Variants in PDSS2 observed in about 807,000 individuals in gnomAD.
The protein encoded by PDSS2 is all trans-polyprenyl-diphosphate synthase PDSS2.
Under a neutral mutation model 44.5 loss-of-function variants are expected in PDSS2, and 31 were observed. The ratio of observed to expected loss-of-function variants is 0.70; its 90% CI spans 0.52 to 0.94. PDSS2 has a LOEUF of 0.94. Ranked by LOEUF, PDSS2 falls within the 40% of genes least tolerant of loss-of-function variation. PDSS2 has a pLI of 0.00. For missense variants in PDSS2, 452 were observed against 482.2 expected, an observed-to-expected ratio of 0.94 and a Z score of 0.59; for synonymous variants, 157 against 180.3, an observed-to-expected ratio of 0.87 and a Z score of 1.03.
intron 7 of PDSS2, among the ~76,000 whole-genome samples, chr6:107,191,661 G>C (rs9486556): frequency 0.051 from 7,740 of 152,194 alleles, 603 homozygotes; most frequent in African/African-American, 0.17. Context: ...ACCCGGGCTG[G>C]AGTGCAGCAG....
chr6:107,293,374 A>C (rs1020738825), intron 2 of PDSS2, among the ~76,000 whole-genome samples: 1 of 152,226 alleles, frequency 6.6e-6, no homozygotes, highest in Admixed American at 6.5e-5. Context: ...ACTGCAGCAC[A>C]GTTTTACATG....
intron 1 of PDSS2, among the ~76,000 whole-genome samples, chr6:107,346,325 T>G (rs2115310942): frequency 6.6e-6 from 1 of 152,316 alleles, no homozygotes; most frequent in East Asian, 1.9e-4. Flanking sequence ...ATCCTCAAGC[T>G]TTCTAAGGTG....
At position 107,210,585 on chromosome 6, in the gene PDSS2, T is replaced by A. The variant is rs199546865; in HGVS notation, c.877-15A>T. On this transcript the variant is annotated splice_polypyrimidine_tract_variant and intron_variant, in intron 5 of 7. Transcript: ENST00000369037. ...TCAGAATTTATCTACAAGAAGCAAT[T>A]AAATGAGTAAATTAGTGAAATGTAT... 8.5e-6 allele frequency: 13 copies of A among 1,530,252 alleles called. No homozygotes were observed. Among genetic ancestry groups the A allele is most frequent in the Non-Finnish European group, 1.1e-5 (12 of 1,104,726 alleles). The allele number at this position is 1,530,252 out of a possible 1,614,324, so 94.8% of individuals were successfully genotyped here.
intron 1 of PDSS2, among the ~76,000 whole-genome samples, chr6:107,414,017 A>T (rs912415873): frequency 1.3e-5 from 2 of 152,258 alleles, no homozygotes; most frequent in South Asian, 2.1e-4. Flanking sequence ...AAACAAAAAG[A>T]AAAGTATTTT....
chr6:107,335,835 G>A (rs1777869146), intron 1 of PDSS2, among the ~76,000 whole-genome samples: 1 of 152,062 alleles, frequency 6.6e-6, no homozygotes, highest in South Asian at 2.1e-4. Flanking sequence ...GCTCTCGAAT[G>A]CAGTAAGAAA....
At chr6:107,191,138 G>T (rs1342428483) in intron 7 of PDSS2, among the ~76,000 whole-genome samples, 1 of 152,056 alleles carries the variant, frequency 6.6e-6, no homozygotes, top group Non-Finnish European at 1.5e-5. Flanking sequence ...TGATCCGCCC[G>T]CCTCCACCTC....
chr6:107,242,906 C>T lies in PDSS2; in HGVS notation c.702+2642G>A, dbSNP rs1226693106. Among the ~76,000 whole-genome samples, 5 of 152,218 alleles carry T rather than the reference C, an allele frequency of 3.3e-5. No homozygotes were observed. In the South Asian group the frequency reaches 6.2e-4, roughly 19 times the overall value. On this transcript the variant is annotated intron_variant, in intron 4 of 7. Coordinates refer to ENST00000369037, the MANE Select transcript of PDSS2 (RefSeq NM_020381.4). ...AGAAATTTAACTGCTTAAAAAAGGG[C>T]TATGAGGAGGTGGCAGGGAAAGAGG...
chr6:107,369,550 C>T (rs1779068583), intron 1 of PDSS2, among the ~76,000 whole-genome samples: 1 of 152,126 alleles, frequency 6.6e-6, no homozygotes, highest in Non-Finnish European at 1.5e-5. Context: ...CTAGAAAAAA[C>T]CATAGGAGCA....
intron 1 of PDSS2, among the ~76,000 whole-genome samples, chr6:107,441,227 T>G (rs1250184396): frequency 1.3e-5 from 2 of 152,176 alleles, no homozygotes; most frequent in African/African-American, 2.4e-5. Flanking sequence ...ACTCCTCTCT[T>G]TGAGGAGGCT....
intron 3 of PDSS2, among the ~76,000 whole-genome samples, chr6:107,257,623 CT>C (rs1045174794): frequency 9.4e-5 from 14 of 149,102 alleles, no homozygotes; most frequent in Non-Finnish European, 1.3e-4. Flanking sequence ...ATACAATTGG[CT>C]TTTTTTTTTC....
At chr6:107,344,743 A>G (rs1407898250) in intron 1 of PDSS2, among the ~76,000 whole-genome samples, 1 of 152,184 alleles carries the variant, frequency 6.6e-6, no homozygotes, top group Admixed American at 6.5e-5. Flanking sequence ...ACTGACCACT[A>G]GTTGTATACT....
At chr6:107,371,446 C>G (rs1370719986) in intron 1 of PDSS2, among the ~76,000 whole-genome samples, 2 of 152,164 alleles carry the variant, frequency 1.3e-5, no homozygotes, top group African/African-American at 4.8e-5. Flanking sequence ...GAGTAAAGGA[C>G]AGTCTCAAGT....
chr6:107,412,035 A>G (rs319064), intron 1 of PDSS2, among the ~76,000 whole-genome samples: 56,943 of 150,276 alleles, frequency 0.38, 13,197 homozygotes, highest in Middle Eastern at 0.64. Flanking sequence ...ACAGGCACAC[A>G]CCACCACGCC....
At chr6:107,445,915 C>T (rs1359044303) in intron 1 of PDSS2, among the ~76,000 whole-genome samples, 3 of 152,174 alleles carry the variant, frequency 2.0e-5, no homozygotes, top group Non-Finnish European at 4.4e-5. Context: ...TCTCCCAGGT[C>T]TTCTTTCTCT....
chr6:107,242,524 G>A (rs751374013), intron 4 of PDSS2, among the ~76,000 whole-genome samples: 11 of 151,522 alleles, frequency 7.3e-5, no homozygotes, highest in Non-Finnish European at 1.3e-4. Flanking sequence ...GATTACAGGC[G>A]TGAGCCACCA....
At chr6:107,243,895 G>A (rs1264998416) in intron 4 of PDSS2, among the ~76,000 whole-genome samples, 2 of 152,202 alleles carry the variant, frequency 1.3e-5, no homozygotes, top group South Asian at 2.1e-4. Context: ...TTGGGAGGCT[G>A]AGGTGGGCAG....
chr6:107,303,111 T>C (rs1421361007), intron 2 of PDSS2, among the ~76,000 whole-genome samples: 1 of 152,206 alleles, frequency 6.6e-6, no homozygotes, highest in Non-Finnish European at 1.5e-5. Context: ...GGTTGGCATA[T>C]GGTGAGGACC....
chr6:107,210,856 T>TGG lies in PDSS2; in HGVS notation c.877-288_877-287dup, dbSNP rs34209518. 0.02 allele frequency among the ~76,000 whole-genome samples: 2,973 copies of TGG among 150,718 alleles called. 92 individuals carry two copies. Among genetic ancestry groups the TGG allele is most frequent in the African/African-American group, 0.065 (2,679 of 40,982 alleles). On this transcript the variant is annotated intron_variant, in intron 5 of 7. Coordinates refer to ENST00000369037, the MANE Select transcript of PDSS2 (RefSeq NM_020381.4). The stretch of plus-strand genomic sequence containing the variant: ...CCATCTCTACTAAAAAAACAAAAAT[T>TGG]GGGGGGGGTTTGCACACACATTCCA...
At chr6:107,287,496 A>G (rs1478276928) in intron 2 of PDSS2, among the ~76,000 whole-genome samples, 1 of 151,888 alleles carries the variant, frequency 6.6e-6, no homozygotes, top group Non-Finnish European at 1.5e-5. Context: ...TTATATACCC[A>G]CATAAACATT....
Sources: allele counts gnomAD v4.1 joint callset (sites outside exome capture counted in the v4.1 genomes callset), GRCh38; gene constraint gnomAD v4.1.1; transcripts MANE v1.5; gene names NCBI Gene and HGNC (gene_info 2026-07-23, HGNC 2026-07-21).